HIBADH: variants seen among roughly 807,000 people sequenced by gnomAD.
The protein encoded by HIBADH is 3-hydroxyisobutyrate dehydrogenase.
Under a neutral mutation model 36.1 loss-of-function variants are expected in HIBADH, and 25 were observed. That is an observed-to-expected ratio of 0.69 (90% CI 0.50 to 0.97). The LOEUF is 0.97. HIBADH is among the 50% of genes least tolerant of loss of function. The pLI is 0.00. For synonymous variants in HIBADH, 160 were observed against 149.5 expected (o/e 1.07, Z -0.51); for missense variants, 421 against 418.0 (o/e 1.01, Z -0.06).
intron 4 of HIBADH, among the ~76,000 whole-genome samples, chr7:27,603,399 A>AT (rs1785165072): frequency 6.6e-6 from 1 of 152,054 alleles, no homozygotes; most frequent in African/African-American, 2.4e-5. Context: ...CTCTATCTCT[A>AT]CAATCTTTAT....
At chr7:27,608,335 C>T (rs1785266044) in intron 4 of HIBADH, among the ~76,000 whole-genome samples, 1 of 152,102 alleles carries the variant, frequency 6.6e-6, no homozygotes, top group African/African-American at 2.4e-5. Flanking sequence ...TTCCTTGGAC[C>T]TGAAGGAAAG....
At chr7:27,594,568 A>G (rs1356418025) in intron 4 of HIBADH, among the ~76,000 whole-genome samples, 1 of 152,258 alleles carries the variant, frequency 6.6e-6, no homozygotes, top group Non-Finnish European at 1.5e-5. Flanking sequence ...CCATAAATTC[A>G]GTGCAATCCC....
rs1786217136 is a variant in HIBADH, at chr7:27,652,636, C to T, written c.92-3003G>A. ...AGGAAGTCCAACATGAAGGTGACAG[C>T]AGATCCAGTGTCTGGTAGGTCCACT... On this transcript the variant is annotated intron_variant, in intron 1 of 7. Coordinates refer to ENST00000265395, the MANE Select transcript of HIBADH (RefSeq NM_152740.4). Among the ~76,000 whole-genome samples the T allele has an allele frequency of 3.3e-5, 5 of 152,356 alleles. No homozygotes were observed. The South Asian group carries it at 1.0e-3, about 32-fold the overall frequency.
intron 4 of HIBADH, among the ~76,000 whole-genome samples, chr7:27,568,142 T>A (rs908505411): frequency 2.6e-5 from 4 of 152,204 alleles, no homozygotes; most frequent in South Asian, 4.1e-4. Context: ...TTTCTCTTCT[T>A]TCCTGCAGTT....
chr7:27,589,371 T>C (rs924891497), intron 4 of HIBADH, among the ~76,000 whole-genome samples: 2 of 152,224 alleles, frequency 1.3e-5, no homozygotes, highest in African/African-American at 4.8e-5. Context: ...CCTTAAACTA[T>C]GCTGCTAGCT....
At chr7:27,661,848 A>T (rs1215541931) in intron 1 of HIBADH, among the ~76,000 whole-genome samples, 1 of 152,074 alleles carries the variant, frequency 6.6e-6, no homozygotes, top group Admixed American at 6.6e-5. Flanking sequence ...GGAATTAGGA[A>T]CAACTGATAA....
intron 4 of HIBADH, among the ~76,000 whole-genome samples, chr7:27,573,767 G>A (rs1784663225): frequency 6.6e-6 from 1 of 152,164 alleles, no homozygotes; most frequent in Non-Finnish European, 1.5e-5. Context: ...ACATTCAGAT[G>A]TGCTTTAAGT....
intron 4 of HIBADH, among the ~76,000 whole-genome samples, chr7:27,567,412 C>T (rs974307167): frequency 6.6e-6 from 1 of 152,000 alleles, no homozygotes; most frequent in African/African-American, 2.4e-5. Context: ...ACATTTTGGT[C>T]TCTTTTTTAA....
At chr7:27,657,172 G>C (rs1786322031) in intron 1 of HIBADH, among the ~76,000 whole-genome samples, 1 of 152,002 alleles carries the variant, frequency 6.6e-6, no homozygotes, top group African/African-American at 2.4e-5. Flanking sequence ...ATATCACCAA[G>C]CTAAGTGACA....
chr7:27,636,588 G>A (rs1051132699), intron 2 of HIBADH, among the ~76,000 whole-genome samples: 15 of 152,058 alleles, frequency 9.9e-5, no homozygotes, highest in Non-Finnish European at 8.8e-5. Flanking sequence ...TTACAACTCA[G>A]GAACAACAAA....
intron 4 of HIBADH, among the ~76,000 whole-genome samples, chr7:27,585,274 T>C (rs1019811076): frequency 6.6e-6 from 1 of 150,714 alleles, no homozygotes; most frequent in African/African-American, 2.4e-5. Flanking sequence ...TATGTATGTG[T>C]ATGTATATGC....
chr7:27,527,630 C>A (rs940622602), intron 7 of HIBADH, among the ~76,000 whole-genome samples: 2 of 152,168 alleles, frequency 1.3e-5, no homozygotes, highest in East Asian at 3.8e-4. Context: ...GCAAGTCTAT[C>A]AGCACTGTTT....
At chr7:27,570,580 GA>G (rs1367425864) in intron 4 of HIBADH, among the ~76,000 whole-genome samples, 1 of 151,980 alleles carries the variant, frequency 6.6e-6, no homozygotes, top group Non-Finnish European at 1.5e-5. Context: ...TGGAGTGATA[GA>G]AACTCCCCTC....
chr7:27,543,030 G>A lies in HIBADH; in HGVS notation c.555C>T (p.Ala185=), dbSNP rs1173649168. The part of the protein sequence containing the change: ...VGGVEDEFAA[A]QELLGCMGSN... Reference sequence around the variant, plus strand: ...AGCCCATGCACCCCAGCAACTCTTGGGCAGCAGCAAATTCATCTTCAACTC... The same window carrying A: ...AGCCCATGCACCCCAGCAACTCTTGAGCAGCAGCAAATTCATCTTCAACTC... The change falls in exon 5 of 8, where the codon GCC becomes GCT. Residue 185 remains alanine (A), a synonymous_variant. Transcript: ENST00000265395. 1 of 1,613,682 alleles carries A rather than the reference G, an allele frequency of 6.2e-7. No homozygotes were observed. Among genetic ancestry groups the A allele is most frequent in the Non-Finnish European group, 8.5e-7 (1 of 1,179,846 alleles).
chr7:27,529,240 T>G (rs942264781), intron 7 of HIBADH, among the ~76,000 whole-genome samples: 1 of 152,214 alleles, frequency 6.6e-6, no homozygotes, highest in Non-Finnish European at 1.5e-5. Context: ...ATCCATTCTG[T>G]AGCCCATGGA....
intron 1 of HIBADH, among the ~76,000 whole-genome samples, chr7:27,654,093 T>C (rs903773549): frequency 7.2e-5 from 11 of 152,036 alleles, no homozygotes; most frequent in Admixed American, 5.9e-4. Context: ...ACTACTAAAA[T>C]ATGTGAGATG....
At chr7:27,543,548 A>G (rs1346179447) in intron 4 of HIBADH, among the ~76,000 whole-genome samples, 1 of 152,062 alleles carries the variant, frequency 6.6e-6, no homozygotes, top group Admixed American at 6.6e-5. Flanking sequence ...TTGCTCACTC[A>G]CCCACTCTCC....
chr7:27,660,699 T>G (rs1786399880), intron 1 of HIBADH, among the ~76,000 whole-genome samples: 1 of 152,110 alleles, frequency 6.6e-6, no homozygotes. Flanking sequence ...AAAAAAAAAT[T>G]GCTTAAGTGA....
chr7:27,632,332 A>G lies in HIBADH; in HGVS notation c.362+4T>C, dbSNP rs1226493988. On this transcript the variant is annotated splice_donor_region_variant and intron_variant, in intron 3 of 7. Transcript: ENST00000265395. ...GAAAATATCCACAGGTGAGAAATACATACTTTAGAATCCCATTTGCTCCGG... is the reference window on the plus strand; with the variant it reads ...GAAAATATCCACAGGTGAGAAATACGTACTTTAGAATCCCATTTGCTCCGG... The G allele has an allele frequency of 3.2e-6, 5 of 1,552,046 alleles. No individual in the cohort carries two copies. Among genetic ancestry groups the G allele is most frequent in the Non-Finnish European group, 3.6e-6 (4 of 1,124,084 alleles).
Sources: gnomAD v4.1 joint callset for allele counts (sites outside exome capture counted in the v4.1 genomes callset) on GRCh38, gnomAD v4.1.1 for gene constraint, MANE v1.5 for transcripts, NCBI Gene and HGNC (gene_info 2026-07-23, HGNC 2026-07-21) for gene names.